Variants in MACF1 observed in about 807,000 individuals in gnomAD.
MACF1 encodes microtubule-actin cross-linking factor 1.
Under a neutral mutation model 854.8 loss-of-function variants are expected in MACF1, and 193 were observed. The observed-to-expected ratio is 0.23, with a 90% CI of 0.20 to 0.25. The LOEUF is 0.25. Among genes scored for constraint, MACF1 ranks in the 10% least tolerant of loss-of-function variants. The probability of loss-of-function intolerance (pLI) is 1.00; values close to 1 mark genes in which losing one functional copy is unlikely to be tolerated. For missense variants in MACF1, 7,722 were observed against 8,929.1 expected (o/e 0.86, Z 5.45); for synonymous variants, 3,185 against 3,226.7 (o/e 0.99, Z 0.44).
rs770325480 is a variant in MACF1 at position 39,447,446 on chromosome 1, G to A, written c.19620G>A (p.Glu6540=). 11 of 1,613,918 alleles carry A rather than the reference G, an allele frequency of 6.8e-6. No homozygotes were observed. In the East Asian group the frequency reaches 8.9e-5, roughly 13 times the overall value. ...KMEERKSKLE[E]ALNLATEFQN... is the part of the protein sequence containing the mutation. ...TTGAAATTCAGTCAAAGCTGGAAGA[G>A]GCCCTCAACTTGGCAACAGAATTCC... The change falls in exon 81 of 101, where the codon GAG becomes GAA. Residue 6540 remains glutamate, a synonymous_variant. Coordinates refer to ENST00000564288, the MANE Select transcript of MACF1 (RefSeq NM_001394062.1).
chr1:39,214,145 C>T lies in MACF1; in HGVS notation c.109+9014C>T, dbSNP rs547799104. Among the ~76,000 whole-genome samples, 41 of 152,230 alleles carry T rather than the reference C, an allele frequency of 2.7e-4. No homozygotes were observed. In the South Asian group the frequency reaches 6.8e-3, roughly 25 times the overall value. ...GAAAGCAGCATTAGCCTGAAGAAGT[C>T]GTTCTATTTAGGGAGCTAGAGCAGA... On this transcript the variant is annotated intron_variant, in intron 1 of 100. Transcript: ENST00000564288.
At chr1:39,319,787 C>G (rs748277896) in intron 31 of MACF1, 40 bp downstream of exon 31, 1 of 1,431,512 alleles carries the variant, frequency 7.0e-7, no homozygotes, top group Non-Finnish European at 9.8e-7. Context: ...GAATCATCAC[C>G]AGCTCAGGAA....
rs1357698388 is a variant in MACF1, at chr1:39,304,229, G to A, written c.2789+1151G>A. 5.3e-5 allele frequency: 15 copies of A among 282,306 alleles called. No homozygotes were observed. In the Admixed American group the frequency reaches 5.7e-4, roughly 11 times the overall value. The allele number at this position is 282,306 out of a possible 1,614,324, so 17.5% of individuals were successfully genotyped here. ...CCCGGTGTGTGATGTTCCCCTTCCT[G>A]TGTCCAAGTGTTCTCATTGTTCAAT... On this transcript the variant is annotated intron_variant, in intron 23 of 100. Transcript: ENST00000564288.
upstream of MACF1, among the ~76,000 whole-genome samples, chr1:39,200,107 G>A (rs964570287): frequency 5.9e-5 from 9 of 152,108 alleles, no homozygotes. Context: ...GCACTTGTTA[G>A]AGTCACCAGT....
At chr1:39,415,755 TGA>T (rs1643280582) in intron 58 of MACF1, among the ~76,000 whole-genome samples, 2 of 152,086 alleles carry the variant, frequency 1.3e-5, no homozygotes, top group Admixed American at 6.6e-5. Flanking sequence ...CCAAGGAATT[TGA>T]GATCAGCAGC....
rs760076556 is a variant in MACF1 at position 39,385,940 on chromosome 1, G to A, written c.14344+11G>A. The A allele has an allele frequency of 1.9e-6, 3 of 1,594,660 alleles. No individual in the cohort carries two copies. The South Asian group carries it at 3.4e-5, about 18-fold the overall frequency. On this transcript the variant is annotated intron_variant, in intron 57 of 100. Transcript: ENST00000564288. ...TAGAAGACCTTGCAGGTAAGTTGGG[G>A]TGAAGAACATACTTCTGCCATTATT...
intron 89 of MACF1, chr1:39,457,252 C>T (rs981583878): frequency 6.6e-6 from 1 of 152,478 alleles, no homozygotes; most frequent in East Asian, 1.9e-4. Flanking sequence ...TCTGCCCCCC[C>T]TTTCCTCATT....
chr1:39,356,762 T>C (rs1387640826), intron 44 of MACF1, among the ~76,000 whole-genome samples: 1 of 152,242 alleles, frequency 6.6e-6, no homozygotes, highest in Non-Finnish European at 1.5e-5. Context: ...TTGTACAGTT[T>C]AGCGAAGAGA....
Position 39,444,770 on chromosome 1 carries a change from G to A in MACF1, c.19540G>A (p.Glu6514Lys), listed in dbSNP as rs754321005. ...RDDSGSGSKT[E>K]QSVALLEQKW... ...CGACTCTGGGTCTGGCTCCAAGACA[G>A]AACAGAGTGTAGCACTTTTGGAGCA... The change falls in exon 80 of 101, where the codon GAA (glutamate) becomes AAA (lysine). Residue 6514 changes from glutamate to lysine, a missense_variant. Around this residue, in one of 15 missense-constraint regions of MACF1, gnomAD observed 729 missense variants for 900.5 expected, o/e 0.81. Coordinates refer to ENST00000564288, the MANE Select transcript of MACF1 (RefSeq NM_001394062.1). 6.2e-7 allele frequency: 1 copy of A among 1,614,108 alleles called. No homozygotes were observed. Among genetic ancestry groups the A allele is most frequent in the Non-Finnish European group, 8.5e-7 (1 of 1,179,920 alleles).
chr1:39,108,403 A>T (rs1285005581), intron 2 of MACF1, among the ~76,000 whole-genome samples: 1 of 152,036 alleles, frequency 6.6e-6, no homozygotes, highest in African/African-American at 2.4e-5. Context: ...TAGTTGTCAT[A>T]CTGTGATAAG....
At chr1:39,313,938 T>C (rs72661954) in intron 26 of MACF1, among the ~76,000 whole-genome samples, 9,662 of 152,168 alleles carry the variant, frequency 0.063, 405 homozygotes, top group Middle Eastern at 0.12. Flanking sequence ...TTTGACAAAA[T>C]AAGATCTTCC....
chr1:39,293,811 A>C (rs183139680), intron 18 of MACF1, among the ~76,000 whole-genome samples, 192 bp downstream of exon 18: 1 of 152,022 alleles, frequency 6.6e-6, no homozygotes, highest in Admixed American at 6.6e-5. Flanking sequence ...GAGTTAATTT[A>C]TCTAGAATGC....
intron 49 of MACF1, among the ~76,000 whole-genome samples, chr1:39,365,948 T>C (rs998463538): frequency 2.6e-5 from 4 of 152,194 alleles, no homozygotes; most frequent in Non-Finnish European, 4.4e-5. Flanking sequence ...AGTGCTGAGA[T>C]TACAGGCATG....
chr1:39,324,229 A>G lies in MACF1; in HGVS notation c.4273A>G (p.Lys1425Glu). 1 of 1,612,036 alleles carries G rather than the reference A, an allele frequency of 6.2e-7. No individual in the cohort carries two copies. Among genetic ancestry groups the G allele is most frequent in the Non-Finnish European group, 8.5e-7 (1 of 1,179,016 alleles). Residue 1425 changes from lysine (K) to glutamate (E), a missense_variant, in exon 34 of 101, where the codon AAG (lysine) becomes GAG (glutamate). Physicochemically the swap from Lys to Glu is moderately conservative, Grantham distance 56. This residue lies in a region of MACF1 where 1,137 missense variants were observed against 1,263.0 expected (regional missense o/e 0.90). Transcript: ENST00000564288. ...VEEEKQEHVE[K>E]VKELLGWVST... ...AGAGGAGAAACAAGAACATGTGGAGAAGGTTAAAGAACTTTTGGGCTGGGT... is the reference window on the plus strand; with the variant it reads ...AGAGGAGAAACAAGAACATGTGGAGGAGGTTAAAGAACTTTTGGGCTGGGT...
chr1:39,203,209 A>C (rs1286324558), upstream of MACF1, among the ~76,000 whole-genome samples: 1 of 152,176 alleles, frequency 6.6e-6, no homozygotes, highest in African/African-American at 2.4e-5. Flanking sequence ...GGTACTTTAG[A>C]AGTAAGTAAA....
At chr1:39,411,841 G>T in intron 58 of MACF1, 2 of 1,613,886 alleles carry the variant, frequency 1.2e-6, no homozygotes, top group South Asian at 1.1e-5. Context: ...CCTTTTACAT[G>T]TAAGGGCAAA....
At chr1:39,111,961 C>G (rs992664313) in intron 2 of MACF1, among the ~76,000 whole-genome samples, 1 of 152,154 alleles carries the variant, frequency 6.6e-6, no homozygotes, top group African/African-American at 2.4e-5. Flanking sequence ...CTGTTACTGC[C>G]TAACACATCT....
chr1:39,459,555 A>G (rs1056412591), intron 91 of MACF1, among the ~76,000 whole-genome samples: 3 of 152,240 alleles, frequency 2.0e-5, no homozygotes, highest in Non-Finnish European at 4.4e-5. Context: ...GGAATCAGGA[A>G]CAGAACTTTG....
At chr1:39,468,816 G>A in intron 96 of MACF1, 84 bp downstream of exon 96, 4 of 1,237,296 alleles carry the variant, frequency 3.2e-6, no homozygotes, top group Non-Finnish European at 4.7e-6. Flanking sequence ...CATTGATGGT[G>A]GGGTCTGTCT....
Sources: allele counts gnomAD v4.1 joint callset (sites outside exome capture counted in the v4.1 genomes callset), GRCh38; gene constraint gnomAD v4.1.1; regional missense constraint gnomAD v4.1.1; transcripts MANE v1.5; gene names NCBI Gene and HGNC (gene_info 2026-07-23, HGNC 2026-07-21).